The following PCDH11X variants were observed in gnomAD, a reference collection of about 807,000 sequenced individuals.
PCDH11X encodes protocadherin-11 X-linked.
Under a neutral mutation model 53.3 loss-of-function variants are expected in PCDH11X, and 18 were observed. That is an observed-to-expected ratio of 0.34 (90% CI 0.23 to 0.50). The LOEUF (loss-of-function observed/expected upper bound fraction) is 0.50. Among genes scored for constraint, PCDH11X ranks in the 20% least tolerant of loss-of-function variants. The probability of loss-of-function intolerance (pLI) is 0.98; values close to 1 mark genes in which losing one functional copy is unlikely to be tolerated. For missense variants in PCDH11X, 570 were observed against 1,032.4 expected, an observed-to-expected ratio of 0.55 and a Z score of 6.14; for synonymous variants, 279 against 393.3, an observed-to-expected ratio of 0.71 and a Z score of 3.44.
intron 6 of PCDH11X, among the ~76,000 whole-genome samples, chrX:91,917,631 G>T (rs1268879531): frequency 2.1e-5 from 1 of 48,278 alleles, no homozygotes; most frequent in Non-Finnish European, 3.9e-5. Flanking sequence ...GGAGGTCAAA[G>T]ATCTTCACAA....
At chrX:92,422,500 T>C (rs977807481) in intron 9 of PCDH11X, among the ~76,000 whole-genome samples, 2 of 110,750 alleles carry the variant, frequency 1.8e-5, no homozygotes, top group African/African-American at 6.6e-5. Context: ...ATCATTCCTT[T>C]TTATGGCTGA....
chrX:91,792,138 C>A (rs1036013727), intron 1 of PCDH11X, among the ~76,000 whole-genome samples: 4 of 109,363 alleles, frequency 3.7e-5, no homozygotes, highest in Admixed American at 2.9e-4. Context: ...CGTGAGCCAC[C>A]GCGCCCGGCC....
intron 8 of PCDH11X, among the ~76,000 whole-genome samples, chrX:92,376,298 A>C (rs1271161488): frequency 8.9e-6 from 1 of 111,834 alleles, no homozygotes; most frequent in Non-Finnish European, 1.9e-5. Context: ...CCCTCTTAAC[A>C]TCGAGTTACT....
intron 5 of PCDH11X, among the ~76,000 whole-genome samples, chrX:91,846,444 A>C (rs867424276): frequency 9.1e-6 from 1 of 109,626 alleles, no homozygotes; most frequent in African/African-American, 3.3e-5. Context: ...GGTGAAACCA[A>C]GTCTCTACTA....
chrX:92,228,780 C>CATT, intron 7 of PCDH11X, among the ~76,000 whole-genome samples: 1 of 111,838 alleles, frequency 8.9e-6, no homozygotes, highest in South Asian at 3.7e-4. Flanking sequence ...AAAGAAAGGA[C>CATT]ATTATCTAGG....
chrX:91,895,782 A>G (rs1183081797), intron 6 of PCDH11X, among the ~76,000 whole-genome samples: 10 of 107,418 alleles, frequency 9.3e-5, no homozygotes, highest in African/African-American at 3.3e-4. Flanking sequence ...TGTGTATCAT[A>G]TATTCATTAT....
chrX:92,547,366 T>A (rs1336727247), intron 10 of PCDH11X, among the ~76,000 whole-genome samples: 2 of 106,113 alleles, frequency 1.9e-5, no homozygotes, highest in Admixed American at 1.0e-4. Flanking sequence ...AGATATTTTT[T>A]AAATGTTGCT....
chrX:92,019,612 C>T (rs1001867636), intron 6 of PCDH11X, among the ~76,000 whole-genome samples: 2 of 111,673 alleles, frequency 1.8e-5, no homozygotes, highest in East Asian at 2.8e-4. Context: ...GAATAACTTT[C>T]GGGTAAATAA....
At chrX:92,102,449 G>A (rs1387844853) in intron 6 of PCDH11X, among the ~76,000 whole-genome samples, 3 of 110,999 alleles carry the variant, frequency 2.7e-5, no homozygotes, top group Admixed American at 1.9e-4. Context: ...TGCCTAGGAA[G>A]GAAAGGAGTT....
intron 8 of PCDH11X, among the ~76,000 whole-genome samples, chrX:92,273,709 G>T (rs2068012472): frequency 9.0e-6 from 1 of 110,573 alleles, no homozygotes; most frequent in South Asian, 3.9e-4. Context: ...GATATTGTGG[G>T]GATGCTAGAA....
chrX:92,195,687 C>T (rs1410959646), intron 6 of PCDH11X, among the ~76,000 whole-genome samples: 4 of 111,476 alleles, frequency 3.6e-5, no homozygotes, highest in East Asian at 2.8e-4. Context: ...TATATTAACC[C>T]GGGGTTGAGT....
At chrX:92,010,663 T>G (rs2062673928) in intron 6 of PCDH11X, among the ~76,000 whole-genome samples, 1 of 110,381 alleles carries the variant, frequency 9.1e-6, no homozygotes, top group African/African-American at 3.3e-5. Context: ...GCATAGATAT[T>G]GTCTCTGTTT....
chrX:92,610,751 C>T, intron 10 of PCDH11X, among the ~76,000 whole-genome samples: 1 of 110,702 alleles, frequency 9.0e-6, no homozygotes, highest in East Asian at 2.8e-4. Flanking sequence ...ATCTTTAATT[C>T]ATCTTAGGTT....
At chrX:92,114,359 C>A in intron 6 of PCDH11X, 2 of 1,128,872 alleles carry the variant, frequency 1.8e-6, no homozygotes, top group South Asian at 3.6e-5. Flanking sequence ...TTCATGTCAT[C>A]AAAGCTGTCA....
chrX:91,950,607 T>TATATATATATACACAC (rs772420274), intron 6 of PCDH11X, among the ~76,000 whole-genome samples: 3 of 97,774 alleles, frequency 3.1e-5, no homozygotes, highest in African/African-American at 1.2e-4. Flanking sequence ...TATATATATA[T>TATATATATATACACAC]ACACACACAC....
intron 8 of PCDH11X, among the ~76,000 whole-genome samples, chrX:92,370,490 C>T (rs1197365492): frequency 7.2e-5 from 7 of 97,724 alleles, no homozygotes; most frequent in Admixed American, 2.4e-4. Context: ...GACAGAGTCT[C>T]GCCTTGTTGC....
At chrX:92,480,553 G>A (rs896517478) in intron 10 of PCDH11X, among the ~76,000 whole-genome samples, 4 of 109,884 alleles carry the variant, frequency 3.6e-5, no homozygotes, top group Admixed American at 2.9e-4. Flanking sequence ...TGCCCTTGAG[G>A]GTTTGGTTGT....
At position 92,080,126 on chromosome X, in the gene PCDH11X, A is replaced by G. The variant is rs1234697854; in HGVS notation, c.3034-121249A>G. ...GGCCCAGCATGCTGGCTCTGAAGAT[A>G]TAACAGGACCAAGATTCCAAGAGTG... is the stretch of plus-strand genomic sequence containing the variant. On this transcript the variant is annotated intron_variant, in intron 6 of 10. Transcript: ENST00000682573. 4.5e-5 allele frequency among the ~76,000 whole-genome samples: 5 copies of G among 111,292 alleles called. No individual in the cohort carries two copies. The East Asian group carries it at 1.4e-3, about 32-fold the overall frequency.
chrX:91,903,953 C>T (rs1407462809), intron 6 of PCDH11X, among the ~76,000 whole-genome samples: 3 of 109,003 alleles, frequency 2.8e-5, no homozygotes, highest in African/African-American at 1.0e-4. Context: ...AAATTGAAGG[C>T]AGTTGACTAG....
Sources: allele counts gnomAD v4.1 joint callset (sites outside exome capture counted in the v4.1 genomes callset), GRCh38; gene constraint gnomAD v4.1.1; transcripts MANE v1.5; gene names NCBI Gene and HGNC (gene_info 2026-07-23, HGNC 2026-07-21).